Variants in CEP63 observed in about 807,000 individuals in gnomAD.
CEP63 encodes centrosomal protein of 63 kDa.
CEP63 carries 84 observed loss-of-function variants against 89.1 expected under a neutral mutation model. That is an observed-to-expected ratio of 0.94 (90% CI 0.79 to 1.13). The LOEUF (loss-of-function observed/expected upper bound fraction) is 1.13. CEP63 is among the 50% of genes most tolerant of loss of function. The pLI, the probability that CEP63 is intolerant of heterozygous loss-of-function variation, is 0.00. For synonymous variants in CEP63, 267 were observed against 272.5 expected, an observed-to-expected ratio of 0.98 and a Z score of 0.20; for missense variants, 838 against 813.3, an observed-to-expected ratio of 1.03 and a Z score of -0.37.
intron 9 of CEP63, among the ~76,000 whole-genome samples, chr3:134,548,463 G>A (rs1303701685): frequency 6.6e-6 from 1 of 151,962 alleles, no homozygotes; most frequent in Non-Finnish European, 1.5e-5. Flanking sequence ...ATTTTTTTTG[G>A]TTTTTCATAA....
the CEP63 span, among the ~76,000 whole-genome samples, chr3:134,703,657 C>A: frequency 6.6e-6 from 1 of 152,030 alleles, no homozygotes; most frequent in Non-Finnish European, 1.5e-5. Flanking sequence ...GGGAGAAGAT[C>A]AAGAAGAATA....
At chr3:134,608,619 C>T in the CEP63 span, 2 of 1,613,852 alleles carry the variant, frequency 1.2e-6, no homozygotes, top group Non-Finnish European at 1.7e-6. Context: ...ATTCCTGCTG[C>T]TAGCACACTG....
chr3:134,676,129 T>C, the CEP63 span, among the ~76,000 whole-genome samples: 1 of 152,178 alleles, frequency 6.6e-6, no homozygotes, highest in Non-Finnish European at 1.5e-5. Flanking sequence ...CTAAAATGTA[T>C]ACGTAAATAG....
chr3:134,725,832 C>T, the CEP63 span, among the ~76,000 whole-genome samples: 1 of 152,116 alleles, frequency 6.6e-6, no homozygotes, highest in Non-Finnish European at 1.5e-5. Flanking sequence ...AGACCCTGAA[C>T]AGTGGTGGCC....
chr3:134,631,418 C>T, the CEP63 span, among the ~76,000 whole-genome samples: 2 of 151,918 alleles, frequency 1.3e-5, no homozygotes, highest in Non-Finnish European at 2.9e-5. Flanking sequence ...AGAAATTATA[C>T]CAGAGGAAAA....
At chr3:134,700,576 T>C in the CEP63 span, among the ~76,000 whole-genome samples, 1 of 152,186 alleles carries the variant, frequency 6.6e-6, no homozygotes, top group Non-Finnish European at 1.5e-5. Context: ...GTTATTTTTT[T>C]TTTACTGAAT....
the CEP63 span, among the ~76,000 whole-genome samples, chr3:134,673,465 C>A: frequency 6.6e-6 from 1 of 152,154 alleles, no homozygotes; most frequent in East Asian, 1.9e-4. Context: ...GGCTCTCTCA[C>A]TACCTCCCAG....
At chr3:134,495,711 C>T (rs148143438) in intron 2 of CEP63, among the ~76,000 whole-genome samples, 1 of 152,280 alleles carries the variant, frequency 6.6e-6, no homozygotes, top group Non-Finnish European at 1.5e-5. Context: ...GGTTTGTACC[C>T]ATTAACCAAA....
At chr3:134,489,118 GCCAC>G (rs1936757689) in intron 1 of CEP63, among the ~76,000 whole-genome samples, 1 of 144,452 alleles carries the variant, frequency 6.9e-6, no homozygotes, top group Non-Finnish European at 1.5e-5. Context: ...CCGAGATCAC[GCCAC>G]TGCACTCCAG....
At chr3:134,744,974 A>G in the CEP63 span, among the ~76,000 whole-genome samples, 1 of 152,206 alleles carries the variant, frequency 6.6e-6, no homozygotes, top group East Asian at 1.9e-4. Flanking sequence ...TAAGCATATA[A>G]TTTGATGTTT....
intron 3 of CEP63, among the ~76,000 whole-genome samples, chr3:134,527,268 GTGT>G (rs1486949685): frequency 6.6e-6 from 1 of 152,206 alleles, no homozygotes; most frequent in Non-Finnish European, 1.5e-5. Flanking sequence ...ACTGGTGGTG[GTGT>G]TGGCTTGGGG....
chr3:134,740,610 T>G, the CEP63 span, among the ~76,000 whole-genome samples: 1 of 152,164 alleles, frequency 6.6e-6, no homozygotes, highest in Admixed American at 6.5e-5. Flanking sequence ...TTCTCTTCTT[T>G]CCTGTCCTAC....
the CEP63 span, among the ~76,000 whole-genome samples, chr3:134,640,621 A>G: frequency 2.0e-5 from 3 of 152,202 alleles, no homozygotes; most frequent in African/African-American, 7.2e-5. Flanking sequence ...TGAATAAGAA[A>G]GTGGCACATG....
At position 134,499,581 on chromosome 3, in the gene CEP63, C is replaced by T. The variant is rs556098993; in HGVS notation, c.44+4217C>T. 1.8e-4 allele frequency among the ~76,000 whole-genome samples: 27 copies of T among 151,958 alleles called. No individual in the cohort carries two copies. The South Asian group carries it at 5.4e-3, about 30-fold the overall frequency. On this transcript the variant is annotated intron_variant, in intron 2 of 14. Transcript: ENST00000675561. The stretch of plus-strand genomic sequence containing the variant: ...TTTTGTTTGTTCTTGCTTTGCTACT[C>T]GAAGTGCATCGTTAGGTTGTTTATT...
intron 1 of CEP63, chr3:134,486,670 T>A (rs1935547523): frequency 2.4e-6 from 1 of 413,248 alleles, no homozygotes; most frequent in East Asian, 1.6e-4. Context: ...GCTAGCGCTG[T>A]TGGGACTACT....
the CEP63 span, among the ~76,000 whole-genome samples, chr3:134,602,853 G>C: frequency 3.3e-5 from 5 of 152,228 alleles, no homozygotes; most frequent in Non-Finnish European, 7.3e-5. Context: ...AGCCACAGCG[G>C]GCATGGGCTG....
At chr3:134,537,004 T>C in intron 5 of CEP63, 151 bp from the exon 6 acceptor site, 1 of 690,832 alleles carries the variant, frequency 1.4e-6, no homozygotes, top group East Asian at 2.8e-5. Flanking sequence ...TCTCCAGCTC[T>C]GTTAGCTGAG....
the CEP63 span, among the ~76,000 whole-genome samples, chr3:134,726,111 A>T: frequency 6.6e-6 from 1 of 152,208 alleles, no homozygotes; most frequent in African/African-American, 2.4e-5. Flanking sequence ...AAGATTTCTG[A>T]TGTTTCAAAA....
chr3:134,695,542 C>G, the CEP63 span, among the ~76,000 whole-genome samples: 1 of 152,148 alleles, frequency 6.6e-6, no homozygotes, highest in Non-Finnish European at 1.5e-5. Context: ...GGAGATGGAT[C>G]CTGGCAGGTG....
Sources: gnomAD v4.1 joint callset for allele counts (sites outside exome capture counted in the v4.1 genomes callset) on GRCh38, gnomAD v4.1.1 for gene constraint, MANE v1.5 for transcripts, NCBI Gene and HGNC (gene_info 2026-07-23, HGNC 2026-07-21) for gene names.